Variants in SMG7 observed in about 807,000 individuals in gnomAD.
The protein encoded by SMG7 is nonsense-mediated mRNA decay factor SMG7.
In SMG7, 34 loss-of-function variants were observed where a neutral mutation model predicts 148.2. The ratio of observed to expected loss-of-function variants is 0.23; its 90% confidence interval spans 0.17 to 0.31. SMG7 has a LOEUF of 0.31. SMG7 is among the 10% of genes least tolerant of loss of function. SMG7 has a pLI of 1.00. For missense variants in SMG7, 1,114 were observed against 1,408.4 expected (o/e 0.79, Z 3.35); for synonymous variants, 492 against 515.1 (o/e 0.96, Z 0.61).
chr1:183,476,499 A>G (rs531738573), intron 1 of SMG7, among the ~76,000 whole-genome samples: 2 of 152,324 alleles, frequency 1.3e-5, no homozygotes, highest in African/African-American at 4.8e-5. Context: ...AGGGTCAGAA[A>G]TGAAGATAGG....
At chr1:183,544,870 C>G in intron 15 of SMG7, 60 bp from the exon 16 acceptor site, 1 of 1,548,122 alleles carries the variant, frequency 6.5e-7, no homozygotes. Context: ...AAAAAAATGA[C>G]TTTTTTTGCA....
rs372945126 is a variant in SMG7, at chr1:183,542,201, C to T, written c.1541C>T (p.Ser514Leu). The T allele has an allele frequency of 6.2e-6, 10 of 1,613,940 alleles. No individual in the cohort carries two copies. Among genetic ancestry groups the T allele is most frequent in the South Asian group, 2.2e-5 (2 of 91,078 alleles). The change falls in exon 14 of 23, where the codon TCG becomes TTG. Residue 514 changes from serine (S) to leucine (L), a missense_variant. This residue lies in a region of SMG7 where 788 missense variants were observed against 894.5 expected (regional missense o/e 0.88). Coordinates refer to ENST00000688051, the MANE Select transcript of SMG7 (RefSeq NM_001375584.1). ...LILQETSVIE[S>L]LAADGSPGLK... ...CTGCAAGAAACATCTGTGATAGAGT[C>T]GCTGGCTGCAGATGGGAGCCCAGGG...
chr1:183,484,789 A>G (rs1655024130), intron 1 of SMG7, among the ~76,000 whole-genome samples: 1 of 152,064 alleles, frequency 6.6e-6, no homozygotes, highest in Non-Finnish European at 1.5e-5. Context: ...TGATTTTATT[A>G]TTTTATAAAT....
At position 183,532,864 on chromosome 1, in the gene SMG7, C is replaced by G. The variant is rs962073379; in HGVS notation, c.844-300C>G. Among the ~76,000 whole-genome samples the G allele has an allele frequency of 1.6e-4, 24 of 152,116 alleles. 1 individual carries two copies. ...TAAGTTGTATAAATTTATGGATGAA[C>G]ACTCAAAGACTTTTGTCAGGTCATA... is the stretch of plus-strand genomic sequence containing the variant. On this transcript the variant is annotated intron_variant, in intron 8 of 22. Coordinates refer to ENST00000688051, the MANE Select transcript of SMG7 (RefSeq NM_001375584.1).
intron 3 of SMG7, 39 bp downstream of exon 3, chr1:183,516,030 C>A: frequency 8.2e-7 from 1 of 1,225,664 alleles, no homozygotes; most frequent in South Asian, 1.3e-5. Flanking sequence ...CCTGTAAGAT[C>A]AAGAATTTCA....
In SMG7 at chr1:183,553,336, G is replaced by A. The variant is rs1040218763; in HGVS notation, c.*1405G>A. On this transcript the variant is annotated 3_prime_UTR_variant, in exon 23 of 23. Transcript: ENST00000688051. Reference sequence around the variant, plus strand: ...GGGAAATTATGGAAACAATCTAATTGTTCAATTGCTGTGCTAGTGGTAGGG... The same window carrying A: ...GGGAAATTATGGAAACAATCTAATTATTCAATTGCTGTGCTAGTGGTAGGG... 1 of 957,072 alleles carries A rather than the reference G, an allele frequency of 1.0e-6. No individual in the cohort carries two copies. The highest frequency in any genetic ancestry group is 1.6e-5 in the African/African-American group (1 of 60,642). 59.3% of individuals were successfully genotyped at this position (957,072 alleles called of 1,614,324 possible).
chr1:183,517,890 A>G (rs1177665790), intron 4 of SMG7, 70 bp downstream of exon 4: 29 of 1,451,950 alleles, frequency 2.0e-5, no homozygotes, highest in Middle Eastern at 1.7e-4. Flanking sequence ...TACACGTCTT[A>G]ATGCATGTAA....
intron 1 of SMG7, among the ~76,000 whole-genome samples, chr1:183,491,283 C>T (rs1656909593): frequency 6.6e-6 from 1 of 152,124 alleles, no homozygotes; most frequent in Non-Finnish European, 1.5e-5. Context: ...ATTCATAGTT[C>T]CTTCCTTTGT....
In SMG7 at chr1:183,553,614, C is replaced by T; in HGVS notation, c.*1683C>T. The T allele has an allele frequency of 6.4e-6, 1 of 155,216 alleles. No homozygotes were observed. The highest frequency in any genetic ancestry group is 1.4e-5 in the Non-Finnish European group (1 of 71,468). 9.6% of individuals were successfully genotyped at this position (155,216 alleles called of 1,614,324 possible). A position where few individuals can be genotyped will look rare whatever the true frequency, so the allele number is the denominator to read the frequency against. The stretch of plus-strand genomic sequence containing the variant: ...TTCAGAGAGAGTGGTTGGAGCCCCC[C>T]CCGCCCCGTATGCTTACATTATTGC... On this transcript the variant is annotated 3_prime_UTR_variant, in exon 23 of 23. Coordinates refer to ENST00000688051, the MANE Select transcript of SMG7 (RefSeq NM_001375584.1).
intron 4 of SMG7, among the ~76,000 whole-genome samples, chr1:183,520,708 T>C (rs1664576165): frequency 6.6e-6 from 1 of 152,234 alleles, no homozygotes; most frequent in Non-Finnish European, 1.5e-5. Context: ...CTTTTTTCGT[T>C]ACATGACATA....
chr1:183,508,421 G>GA (rs1661420208), intron 1 of SMG7, among the ~76,000 whole-genome samples: 1 of 152,044 alleles, frequency 6.6e-6, no homozygotes, highest in South Asian at 2.1e-4. Context: ...TTGAACTCCT[G>GA]GCTCCAGTGA....
At chr1:183,473,655 T>C (rs1314240178) in intron 1 of SMG7, 46 of 743,496 alleles carry the variant, frequency 6.2e-5, no homozygotes, top group Non-Finnish European at 7.1e-5. Flanking sequence ...ATCCTGAAAT[T>C]AACTGGGGAG....
chr1:183,491,260 C>T (rs1419444365), intron 1 of SMG7, among the ~76,000 whole-genome samples: 1 of 152,202 alleles, frequency 6.6e-6, no homozygotes, highest in African/African-American at 2.4e-5. Context: ...AATTAATGCA[C>T]ATTGTTGTAC....
chr1:183,548,961 C>G (rs1251661791), intron 18 of SMG7: 3 of 516,744 alleles, frequency 5.8e-6, no homozygotes, highest in African/African-American at 1.9e-5. Context: ...ACCAGGGTCT[C>G]TGGTCCCTGC....
In SMG7 at chr1:183,537,042, A is replaced by T. The variant is rs531472866; in HGVS notation, c.1164-103A>T. ...CTTTGAAATGCTGAAATAAGGGAAA[A>T]ATACATAAAGTCCAGGACCTATAGA... On this transcript the variant is annotated intron_variant, in intron 10 of 22. Transcript: ENST00000688051. The T allele has an allele frequency of 2.9e-5, 22 of 749,902 alleles. No homozygotes were observed. In the South Asian group the frequency reaches 3.4e-4, roughly 11 times the overall value. The allele number at this position is 749,902 out of a possible 1,614,324, so 46.5% of individuals were successfully genotyped here.
intron 1 of SMG7, among the ~76,000 whole-genome samples, chr1:183,510,841 G>T (rs1288497659): frequency 6.6e-6 from 1 of 151,870 alleles, no homozygotes; most frequent in African/African-American, 2.4e-5. Context: ...ATATTCTCTA[G>T]CTTTCATGCT....
chr1:183,492,715 A>T (rs537426225), intron 1 of SMG7, among the ~76,000 whole-genome samples: 1 of 149,876 alleles, frequency 6.7e-6, no homozygotes, highest in Non-Finnish European at 1.5e-5. Context: ...GCTCTTCACT[A>T]TTTCCTTCCT....
In SMG7 at chr1:183,472,501, G is replaced by A; in HGVS notation, c.-120G>A. 1.1e-6 allele frequency: 1 copy of A among 923,068 alleles called. No individual in the cohort carries two copies. The highest frequency in any genetic ancestry group is 1.5e-6 in the Non-Finnish European group (1 of 670,004). 57.2% of individuals were successfully genotyped at this position (923,068 alleles called of 1,614,324 possible). A position where few individuals can be genotyped will look rare whatever the true frequency, so the allele number is the denominator to read the frequency against. On this transcript the variant is annotated 5_prime_UTR_variant, in exon 1 of 23. Transcript: ENST00000688051. The stretch of plus-strand genomic sequence containing the variant: ...CCCCCACCCCCCTGCCGAGCGAGGA[G>A]GAGCCGGAGGAGAGGAAGATGGCGG...
At chr1:183,482,481 C>T (rs564762117) in intron 1 of SMG7, among the ~76,000 whole-genome samples, 25 of 151,600 alleles carry the variant, frequency 1.6e-4, no homozygotes, top group Non-Finnish European at 2.7e-4. Flanking sequence ...TAAATGATTA[C>T]GTGGGAAATG....
Sources: allele counts gnomAD v4.1 joint callset (sites outside exome capture counted in the v4.1 genomes callset), GRCh38; gene constraint gnomAD v4.1.1; regional missense constraint gnomAD v4.1.1; transcripts MANE v1.5; gene names NCBI Gene and HGNC (gene_info 2026-07-23, HGNC 2026-07-21).